Variants in AGBL4 observed in about 807,000 individuals in gnomAD.
The protein encoded by AGBL4 is AGBL carboxypeptidase 4.
AGBL4 carries 58 observed loss-of-function variants against 66.4 expected under a neutral mutation model. The observed-to-expected ratio is 0.87, with a 90% CI of 0.71 to 1.09. The LOEUF (loss-of-function observed/expected upper bound fraction) is 1.09. Among genes scored for constraint, AGBL4 ranks in the 50% least tolerant of loss-of-function variants. AGBL4 has a pLI of 0.00. For missense variants in AGBL4, 579 were observed against 631.0 expected, an observed-to-expected ratio of 0.92 and a Z score of 0.88; for synonymous variants, 234 against 222.9, an observed-to-expected ratio of 1.05 and a Z score of -0.44.
At chr1:49,693,116 T>G (rs550932395) in intron 3 of AGBL4, among the ~76,000 whole-genome samples, 33 of 152,286 alleles carry the variant, frequency 2.2e-4, no homozygotes, top group African/African-American at 6.7e-4. Context: ...TTCTGAACAC[T>G]GGAGTTTATA....
At chr1:48,737,017 C>G (rs1649165902) in intron 6 of AGBL4, among the ~76,000 whole-genome samples, 1 of 152,220 alleles carries the variant, frequency 6.6e-6, no homozygotes, top group South Asian at 2.1e-4. Flanking sequence ...GGCATGGTGG[C>G]TCACACCTGT....
At chr1:50,020,347 A>T (rs1662352913) in intron 1 of AGBL4, among the ~76,000 whole-genome samples, 1 of 152,102 alleles carries the variant, frequency 6.6e-6, no homozygotes, top group Non-Finnish European at 1.5e-5. Context: ...CATAACATTT[A>T]TTGGACACTT....
At chr1:50,022,692 TTGTAA>T (rs1662541680) in intron 1 of AGBL4, among the ~76,000 whole-genome samples, 1 of 150,756 alleles carries the variant, frequency 6.6e-6, no homozygotes, top group African/African-American at 2.5e-5. Context: ...TGGATCACTC[TTGTAA>T]TGATAATACC....
At chr1:48,881,692 T>C (rs1649803459) in intron 5 of AGBL4, among the ~76,000 whole-genome samples, 1 of 152,114 alleles carries the variant, frequency 6.6e-6, no homozygotes, top group Non-Finnish European at 1.5e-5. Flanking sequence ...TTATCCTCCC[T>C]GAGAATCAAT....
intron 2 of AGBL4, among the ~76,000 whole-genome samples, chr1:49,771,344 T>C (rs537009510): frequency 1.8e-4 from 28 of 152,238 alleles, no homozygotes; most frequent in African/African-American, 6.5e-4. Flanking sequence ...TTTTATAACA[T>C]TGTGGTACAA....
At chr1:48,588,413 C>T (rs1004286943) in intron 10 of AGBL4, among the ~76,000 whole-genome samples, 1 of 152,214 alleles carries the variant, frequency 6.6e-6, no homozygotes, top group Admixed American at 6.5e-5. Context: ...GTCTTAGTCT[C>T]AGTTTCCTCA....
chr1:49,680,294 C>T (rs911664106), intron 3 of AGBL4, among the ~76,000 whole-genome samples: 7 of 151,900 alleles, frequency 4.6e-5, no homozygotes, highest in African/African-American at 1.7e-4. Flanking sequence ...TGTGATCCGC[C>T]TACCTCTGCC....
At chr1:48,757,524 T>G (rs1003174630) in intron 6 of AGBL4, among the ~76,000 whole-genome samples, 18 of 151,908 alleles carry the variant, frequency 1.2e-4, no homozygotes, top group African/African-American at 3.9e-4. Flanking sequence ...GTGACTAGAG[T>G]TGAGACAGAA....
At chr1:48,899,287 T>C (rs1011231497) in intron 5 of AGBL4, among the ~76,000 whole-genome samples, 2 of 152,252 alleles carry the variant, frequency 1.3e-5, no homozygotes, top group Admixed American at 6.5e-5. Context: ...GGCCATAGGT[T>C]CTAGGCCTGT....
chr1:49,014,821 C>A (rs1461540412), intron 5 of AGBL4, among the ~76,000 whole-genome samples: 2 of 152,138 alleles, frequency 1.3e-5, no homozygotes, highest in South Asian at 2.1e-4. Context: ...AATAAGGACA[C>A]TTCTGAGAGT....
chr1:48,726,646 T>G (rs1463202443), intron 6 of AGBL4, among the ~76,000 whole-genome samples: 1 of 152,154 alleles, frequency 6.6e-6, no homozygotes, highest in African/African-American at 2.4e-5. Context: ...TGAAAGACAA[T>G]TAAAATAAAA....
intron 5 of AGBL4, among the ~76,000 whole-genome samples, chr1:48,936,004 A>ATGGCTGGG (rs1655436251): frequency 1.6e-5 from 2 of 122,242 alleles, no homozygotes. Flanking sequence ...AAGATACAAG[A>ATGGCTGGG]TGGCTGGGTG....
chr1:49,958,012 C>G (rs1482592003), intron 1 of AGBL4, among the ~76,000 whole-genome samples: 1 of 151,992 alleles, frequency 6.6e-6, no homozygotes, highest in Non-Finnish European at 1.5e-5. Flanking sequence ...TGTTCCTTTC[C>G]ATGTTTAGTG....
chr1:49,237,113 A>C (rs76085846), intron 4 of AGBL4, among the ~76,000 whole-genome samples: 1 of 151,060 alleles, frequency 6.6e-6, no homozygotes, highest in African/African-American at 2.5e-5. Flanking sequence ...AAAAAAAAAA[A>C]TTAGCTGGAC....
intron 1 of AGBL4, among the ~76,000 whole-genome samples, chr1:49,906,307 G>A (rs1650269222): frequency 6.6e-6 from 1 of 152,002 alleles, no homozygotes; most frequent in African/African-American, 2.4e-5. Flanking sequence ...TGCAAAAATA[G>A]ACATATCAGT....
intron 2 of AGBL4, among the ~76,000 whole-genome samples, chr1:49,774,380 T>A (rs551058588): frequency 1.3e-5 from 2 of 152,292 alleles, no homozygotes; most frequent in South Asian, 4.1e-4. Context: ...CTGGCTTCCA[T>A]GCTCCACAGG....
Position 49,283,452 on chromosome 1 carries a change from C to T in AGBL4, c.283-37588G>A, listed in dbSNP as rs189960525. 1.3e-4 allele frequency among the ~76,000 whole-genome samples: 20 copies of T among 152,324 alleles called. 1 individual carries two copies. In the South Asian group the frequency reaches 2.9e-3, roughly 22 times the overall value. ...AGAACAGAAAAACGAAACTCTAAAA[C>T]GCAGAGCGTCTCTCCTCCTCCAAAG... is the stretch of plus-strand genomic sequence containing the variant. On this transcript the variant is annotated intron_variant, in intron 3 of 13. Transcript: ENST00000371839.
At chr1:49,217,579 T>A (rs1649186682) in intron 4 of AGBL4, among the ~76,000 whole-genome samples, 1 of 152,182 alleles carries the variant, frequency 6.6e-6, no homozygotes, top group African/African-American at 2.4e-5. Context: ...CTTGTTTACA[T>A]GTATCTTAAT....
intron 3 of AGBL4, among the ~76,000 whole-genome samples, chr1:49,695,949 C>A (rs76258011): frequency 2.6e-5 from 4 of 151,932 alleles, no homozygotes; most frequent in Non-Finnish European, 4.4e-5. Flanking sequence ...AAGACACTGG[C>A]CACTGTCTGA....
Sources: gnomAD v4.1 joint callset for allele counts (sites outside exome capture counted in the v4.1 genomes callset) on GRCh38, gnomAD v4.1.1 for gene constraint, MANE v1.5 for transcripts, NCBI Gene and HGNC (gene_info 2026-07-23, HGNC 2026-07-21) for gene names.